Variants in HDAC9 observed in about 807,000 individuals in gnomAD.
HDAC9 encodes the protein histone deacetylase 9.
HDAC9 carries 41 observed loss-of-function variants against 139.4 expected under a neutral mutation model. The ratio of observed to expected loss-of-function variants is 0.29; its 90% CI spans 0.23 to 0.38. The LOEUF (loss-of-function observed/expected upper bound fraction) is 0.38. Among genes scored for constraint, HDAC9 ranks in the 10% least tolerant of loss-of-function variants. The pLI is 1.00. For synonymous variants in HDAC9, 517 were observed against 476.2 expected (o/e 1.09, Z -1.12); for missense variants, 1,147 against 1,297.0 (o/e 0.88, Z 1.78).
chr7:18,413,258 C>G (rs1209160243), intron 1 of HDAC9, among the ~76,000 whole-genome samples: 1 of 152,096 alleles, frequency 6.6e-6, no homozygotes, highest in African/African-American at 2.4e-5. Context: ...CCAGACGTCT[C>G]AGTTTTAATT....
chr7:18,442,290 T>C (rs189651913), intron 1 of HDAC9, among the ~76,000 whole-genome samples: 2 of 152,106 alleles, frequency 1.3e-5, no homozygotes, highest in African/African-American at 4.8e-5. Flanking sequence ...AGACTTCTAA[T>C]TTTTTTTCCT....
At chr7:18,704,137 T>A (rs1783706762) in intron 12 of HDAC9, among the ~76,000 whole-genome samples, 13 of 152,228 alleles carry the variant, frequency 8.5e-5, no homozygotes, top group Admixed American at 7.2e-4. Context: ...CTTGGTATAA[T>A]CAGGACCCAG....
chr7:18,617,156 C>G (rs149165700), intron 6 of HDAC9, among the ~76,000 whole-genome samples: 1 of 152,166 alleles, frequency 6.6e-6, no homozygotes, highest in African/African-American at 2.4e-5. Context: ...TTTGTTCAGC[C>G]TCCATTCCAG....
chr7:18,987,671 A>G (rs1785482192), intron 25 of HDAC9, among the ~76,000 whole-genome samples: 4 of 152,078 alleles, frequency 2.6e-5, no homozygotes, highest in Non-Finnish European at 4.4e-5. Context: ...CCTCTGGTAG[A>G]ATTCGGCTGT....
At chr7:18,219,994 T>C (rs1203255361) in intron 2 of HDAC9, among the ~76,000 whole-genome samples, 1 of 152,168 alleles carries the variant, frequency 6.6e-6, no homozygotes, top group East Asian at 1.9e-4. Context: ...TTTTGCCAGA[T>C]TTGCCAGATT....
upstream of HDAC9, among the ~76,000 whole-genome samples, chr7:18,287,323 C>T (rs1797517642): frequency 1.3e-5 from 2 of 152,090 alleles, no homozygotes; most frequent in South Asian, 4.2e-4. Flanking sequence ...AACATGTTGG[C>T]AGATACTCCA....
chr7:18,260,323 G>GTTTTTTTTTTTTTTT, intron 2 of HDAC9, among the ~76,000 whole-genome samples: 1 of 115,640 alleles, frequency 8.6e-6, no homozygotes, highest in Non-Finnish European at 1.7e-5. Context: ...TTTTTTTTTT[G>GTTTTTTTTTTTTTTT]TTTTTTTTTT....
chr7:18,263,945 A>T (rs1795844067), intron 2 of HDAC9, among the ~76,000 whole-genome samples: 1 of 152,192 alleles, frequency 6.6e-6, no homozygotes. Flanking sequence ...TTTAAAGGAC[A>T]ATAATTTTAC....
chr7:18,240,180 G>T (rs1794097408), intron 2 of HDAC9, among the ~76,000 whole-genome samples: 1 of 152,066 alleles, frequency 6.6e-6, no homozygotes, highest in Non-Finnish European at 1.5e-5. Context: ...ATTTATAACT[G>T]CAAATACTGT....
intron 1 of HDAC9, among the ~76,000 whole-genome samples, chr7:18,116,586 T>C (rs114651015): frequency 0.011 from 1,737 of 152,236 alleles, 29 homozygotes; most frequent in African/African-American, 0.039. Context: ...AAAATATATA[T>C]GTTTTGGTTA....
intron 1 of HDAC9, among the ~76,000 whole-genome samples, chr7:18,338,627 C>T (rs2128657776): frequency 6.6e-6 from 1 of 151,604 alleles, no homozygotes; most frequent in East Asian, 1.9e-4. Flanking sequence ...ATAAATCAAT[C>T]TTGCATTATT....
chr7:18,957,722 C>G (rs368105351), intron 24 of HDAC9, among the ~76,000 whole-genome samples: 3 of 152,244 alleles, frequency 2.0e-5, no homozygotes, highest in Admixed American at 6.5e-5. Context: ...ATGAAGCTGC[C>G]CCTGAAGGTA....
intron 2 of HDAC9, among the ~76,000 whole-genome samples, chr7:18,528,570 A>T (rs1807724328): frequency 6.6e-6 from 1 of 152,132 alleles, no homozygotes; most frequent in African/African-American, 2.4e-5. Flanking sequence ...GGCATTAAAA[A>T]TTACTTAGCA....
intron 13 of HDAC9, among the ~76,000 whole-genome samples, chr7:18,747,040 A>C (rs1040152487): frequency 6.6e-6 from 1 of 152,130 alleles, no homozygotes; most frequent in Non-Finnish European, 1.5e-5. Flanking sequence ...AGAAGGAAGA[A>C]TTTCCGGCAT....
chr7:18,879,636 C>T (rs763800739), intron 22 of HDAC9, among the ~76,000 whole-genome samples: 1 of 152,106 alleles, frequency 6.6e-6, no homozygotes. Context: ...TGGACCCCTT[C>T]CTTACACCAT....
At chr7:18,732,735 ATGTGTGCGTATGTGTACACACACGTG>A (rs1562892393) in intron 13 of HDAC9, among the ~76,000 whole-genome samples, 69 of 94,580 alleles carry the variant, frequency 7.3e-4, no homozygotes, top group East Asian at 3.5e-3. Context: ...ACACACGTGT[ATGTGTGCGTATGTGTACACACACGTG>A]TATGTGTGCG....
At chr7:18,277,501 A>G (rs570440317) in intron 2 of HDAC9, among the ~76,000 whole-genome samples, 1 of 152,344 alleles carries the variant, frequency 6.6e-6, no homozygotes, top group African/African-American at 2.4e-5. Flanking sequence ...GGAGGATGAC[A>G]GATGAAGCTG....
chr7:18,279,139 T>C (rs1035514176), intron 2 of HDAC9, among the ~76,000 whole-genome samples: 1 of 152,176 alleles, frequency 6.6e-6, no homozygotes, highest in African/African-American at 2.4e-5. Flanking sequence ...AAAGCTCGCT[T>C]ACGAAGAAAT....
intron 25 of HDAC9, among the ~76,000 whole-genome samples, chr7:18,989,202 C>A (rs1353498894): frequency 6.8e-6 from 1 of 148,132 alleles, no homozygotes; most frequent in Non-Finnish European, 1.5e-5. Context: ...TGGCTGGTAC[C>A]GGTTGTTCCT....
Sources: allele counts gnomAD v4.1 joint callset (sites outside exome capture counted in the v4.1 genomes callset), GRCh38; gene constraint gnomAD v4.1.1; transcripts MANE v1.5; gene names NCBI Gene and HGNC (gene_info 2026-07-23, HGNC 2026-07-21).